Variants in ZSWIM3 observed in about 807,000 individuals in gnomAD.
The protein encoded by ZSWIM3 is zinc finger SWIM domain-containing protein 3.
A neutral mutation model predicts 47.5 loss-of-function variants in ZSWIM3; 27 were observed. The ratio of observed to expected loss-of-function variants is 0.57; its 90% CI spans 0.42 to 0.78. The LOEUF (loss-of-function observed/expected upper bound fraction) is 0.78. Among genes scored for constraint, ZSWIM3 ranks in the 30% least tolerant of loss-of-function variants. The pLI is 0.00. For synonymous variants in ZSWIM3, 333 were observed against 333.9 expected (o/e 1.00, Z 0.03); for missense variants, 689 against 861.3 (o/e 0.80, Z 2.50).
rs1458363068 is a variant in ZSWIM3, at chr20:45,857,840, C to T, written c.15C>T (p.Ser5=). Residue 5 remains serine, a synonymous_variant, in exon 1 of 2, where the codon AGC becomes AGT. Transcript: ENST00000255152. ...TGGGGGCGGCCATGGAGCTGGGCAG[C>T]TGCTTCAAGACCTATGAGGACTTCA... MELG[S]CFKTYEDFKE... 1 of 1,614,106 alleles carries T rather than the reference C, an allele frequency of 6.2e-7. No individual in the cohort carries two copies. Among genetic ancestry groups the T allele is most frequent in the Non-Finnish European group, 8.5e-7 (1 of 1,179,966 alleles).
chr20:45,862,689 G>C (rs145867482), intron 1 of ZSWIM3, among the ~76,000 whole-genome samples: 1,662 of 152,192 alleles, frequency 0.011, 15 homozygotes, highest in Non-Finnish European at 0.015. Context: ...ACAGGGTTTT[G>C]CCATGTTGGC....
chr20:45,878,385 G>C lies in ZSWIM3; in HGVS notation c.1827G>C (p.Gln609His), dbSNP rs756524032. The C allele has an allele frequency of 6.2e-7, 1 of 1,614,246 alleles. No homozygotes were observed. The highest frequency in any genetic ancestry group is 1.1e-5 in the South Asian group (1 of 91,088). Residue 609 changes from glutamine to histidine, a missense_variant, in exon 2 of 2, where the codon CAG becomes CAC. Transcript: ENST00000255152. ...QDRGMVPNTG[Q>H]PEKQGRNDMI... ...GTGGTATGGTCCCAAACACAGGCCA[G>C]CCTGAGAAGCAAGGACGGAACGACA... is the stretch of plus-strand genomic sequence containing the variant.
intron 1 of ZSWIM3, chr20:45,872,718 G>A (rs1357052785): frequency 1.1e-5 from 14 of 1,288,764 alleles, no homozygotes; most frequent in Non-Finnish European, 1.3e-5. Context: ...GACAAGCGGA[G>A]ACCACAAGTG....
intron 1 of ZSWIM3, 83 bp from the exon 2 acceptor site, chr20:45,876,631 A>T: frequency 6.6e-7 from 1 of 1,517,644 alleles, no homozygotes. Flanking sequence ...GAGCCACTGT[A>T]CCCAGCCCCC....
intron 1 of ZSWIM3, among the ~76,000 whole-genome samples, chr20:45,875,949 C>T (rs1287025178): frequency 1.3e-5 from 2 of 152,154 alleles, no homozygotes; most frequent in African/African-American, 4.8e-5. Context: ...CCTCCAGCCT[C>T]AGCCTCCCGA....
At chr20:45,876,547 C>T (rs888448207) in intron 1 of ZSWIM3, among the ~76,000 whole-genome samples, 167 bp from the exon 2 acceptor site, 1 of 152,094 alleles carries the variant, frequency 6.6e-6, no homozygotes, top group African/African-American at 2.4e-5. Context: ...CCATGTTGCC[C>T]AGGCTGGTCT....
chr20:45,862,836 A>G (rs148996493), intron 1 of ZSWIM3, among the ~76,000 whole-genome samples: 17 of 152,190 alleles, frequency 1.1e-4, no homozygotes, highest in Non-Finnish European at 2.2e-4. Context: ...AGGTCTCACT[A>G]TGTTGCCCAA....
At chr20:45,860,013 C>A (rs1017374584) in intron 1 of ZSWIM3, among the ~76,000 whole-genome samples, 2 of 152,118 alleles carry the variant, frequency 1.3e-5, no homozygotes, top group African/African-American at 4.8e-5. Context: ...GAAAGGGAGG[C>A]TTGAGCTGGG....
chr20:45,864,223 T>C (rs577357419), intron 1 of ZSWIM3, among the ~76,000 whole-genome samples: 1 of 152,150 alleles, frequency 6.6e-6, no homozygotes, highest in East Asian at 1.9e-4. Context: ...CTGAGGACAA[T>C]AGCGGACTGA....
chr20:45,878,193 T>G lies in ZSWIM3; in HGVS notation c.1635T>G (p.Asp545Glu). 1 of 1,614,222 alleles carries G rather than the reference T, an allele frequency of 6.2e-7. No individual in the cohort carries two copies. The highest frequency in any genetic ancestry group is 8.5e-7 in the Non-Finnish European group (1 of 1,180,046). Reference protein sequence around the residue: ...LLEDSHQVSKDGCSCSCSFQQ... With the variant: ...LLEDSHQVSKEGCSCSCSFQQ... Reference sequence around the variant, plus strand: ...AGGACTCTCACCAGGTTAGCAAAGATGGCTGTAGCTGCAGCTGTTCCTTTC... The same window carrying G: ...AGGACTCTCACCAGGTTAGCAAAGAGGGCTGTAGCTGCAGCTGTTCCTTTC... The change falls in exon 2 of 2, where the codon GAT (aspartate) becomes GAG (glutamate). Residue 545 changes from aspartate to glutamate, a missense_variant. Physicochemically the swap from Asp to Glu is conservative, Grantham distance 45. Coordinates refer to ENST00000255152, the MANE Select transcript of ZSWIM3 (RefSeq NM_080752.4).
chr20:45,869,672 C>G (rs1030738663), intron 1 of ZSWIM3, among the ~76,000 whole-genome samples: 14 of 152,144 alleles, frequency 9.2e-5, no homozygotes, highest in African/African-American at 3.1e-4. Flanking sequence ...CATTTTTCCA[C>G]TCTGCCATGT....
intron 1 of ZSWIM3, among the ~76,000 whole-genome samples, chr20:45,867,435 C>T (rs578241865): frequency 1.3e-5 from 2 of 152,292 alleles, no homozygotes; most frequent in East Asian, 3.9e-4. Flanking sequence ...GGCTGTTATA[C>T]ATTAACAATC....
At chr20:45,867,471 A>G (rs1260722286) in intron 1 of ZSWIM3, among the ~76,000 whole-genome samples, 2 of 152,156 alleles carry the variant, frequency 1.3e-5, no homozygotes, top group Non-Finnish European at 2.9e-5. Context: ...GAGCTGTTCA[A>G]ACTGTTTTGT....
Position 45,878,176 on chromosome 20 carries a change from C to T in ZSWIM3, c.1618C>T (p.His540Tyr), listed in dbSNP as rs757517942. 1.9e-6 allele frequency: 3 copies of T among 1,614,214 alleles called. No individual in the cohort carries two copies. The South Asian group carries it at 3.3e-5, about 18-fold the overall frequency. ...GGACGTTCAGCTGCTAGAGGACTCT[C>T]ACCAGGTTAGCAAAGATGGCTGTAG... Reference protein sequence around the residue: ...SVDVQLLEDSHQVSKDGCSCS... With the variant: ...SVDVQLLEDSYQVSKDGCSCS... The change falls in exon 2 of 2, where the codon CAC becomes TAC. Residue 540 changes from histidine (H) to tyrosine (Y), a missense_variant. Coordinates refer to ENST00000255152, the MANE Select transcript of ZSWIM3 (RefSeq NM_080752.4).
chr20:45,857,853 T>G lies in ZSWIM3; in HGVS notation c.28T>G (p.Tyr10Asp). 4 of 1,614,150 alleles carry G rather than the reference T, an allele frequency of 2.5e-6. No individual in the cohort carries two copies. Among genetic ancestry groups the G allele is most frequent in the Non-Finnish European group, 1.7e-6 (2 of 1,180,004 alleles). The change falls in exon 1 of 2, where the codon TAT (tyrosine) becomes GAT (aspartate). Residue 10 changes from tyrosine (Y) to aspartate (D), a missense_variant. Coordinates refer to ENST00000255152, the MANE Select transcript of ZSWIM3 (RefSeq NM_080752.4). ...GGAGCTGGGCAGCTGCTTCAAGACC[T>G]ATGAGGACTTCAAGGAGTGCTTCAG... MELGSCFKT[Y>D]EDFKECFSAY...
At chr20:45,871,710 A>G (rs546223521) in intron 1 of ZSWIM3, among the ~76,000 whole-genome samples, 40 of 151,904 alleles carry the variant, frequency 2.6e-4, no homozygotes, top group African/African-American at 9.4e-4. Context: ...AAGAAAGAAA[A>G]AAATAGCCAG....
chr20:45,875,859 T>G (rs1986080044), intron 1 of ZSWIM3, among the ~76,000 whole-genome samples: 1 of 151,740 alleles, frequency 6.6e-6, no homozygotes, highest in South Asian at 2.1e-4. Context: ...AGAGATAGAC[T>G]CTTGATCTGT....
intron 1 of ZSWIM3, among the ~76,000 whole-genome samples, chr20:45,873,168 G>A (rs1369057026): frequency 1.3e-5 from 2 of 152,146 alleles, no homozygotes; most frequent in African/African-American, 4.8e-5. Flanking sequence ...TTGGGAGGCC[G>A]AGGTGGGCGG....
At chr20:45,860,342 C>T (rs2145784798) in intron 1 of ZSWIM3, among the ~76,000 whole-genome samples, 1 of 152,054 alleles carries the variant, frequency 6.6e-6, no homozygotes, top group East Asian at 1.9e-4. Flanking sequence ...TGGTGAAACC[C>T]CGTCTCTACT....
Sources: gnomAD v4.1 joint callset for allele counts (sites outside exome capture counted in the v4.1 genomes callset) on GRCh38, gnomAD v4.1.1 for gene constraint, MANE v1.5 for transcripts, NCBI Gene and HGNC (gene_info 2026-07-23, HGNC 2026-07-21) for gene names.